Variants in DCAF10 observed in about 807,000 individuals in gnomAD.
DCAF10 encodes the protein DDB1- and CUL4-associated factor 10.
DCAF10 carries 19 observed loss-of-function variants against 51.9 expected under a neutral mutation model. The ratio of observed to expected loss-of-function variants is 0.37; its 90% CI spans 0.26 to 0.54. DCAF10 has a LOEUF of 0.54. Among genes scored for constraint, DCAF10 ranks in the 20% least tolerant of loss-of-function variants. DCAF10 has a pLI of 0.87. For missense variants in DCAF10, 510 were observed against 730.6 expected (o/e 0.70, Z 3.48); for synonymous variants, 291 against 297.1 (o/e 0.98, Z 0.21).
At chr9:37,840,060 G>T (rs2118026702) in intron 2 of DCAF10, among the ~76,000 whole-genome samples, 1 of 152,222 alleles carries the variant, frequency 6.6e-6, no homozygotes, top group Admixed American at 6.5e-5. Context: ...GAATTGGTAG[G>T]TCTACCAGGC....
At chr9:37,808,967 G>C (rs1051640538) in intron 1 of DCAF10, among the ~76,000 whole-genome samples, 2 of 150,050 alleles carry the variant, frequency 1.3e-5, no homozygotes, top group East Asian at 2.0e-4. Flanking sequence ...AATTAGCCTG[G>C]TGTGGTGGCA....
intron 1 of DCAF10, among the ~76,000 whole-genome samples, chr9:37,802,759 A>G (rs1000313758): frequency 1.3e-5 from 2 of 152,226 alleles, no homozygotes; most frequent in African/African-American, 4.8e-5. Flanking sequence ...GCACACCTGA[A>G]TAAGGTGGAA....
At chr9:37,839,920 C>T (rs1830282783) in intron 2 of DCAF10, among the ~76,000 whole-genome samples, 1 of 152,160 alleles carries the variant, frequency 6.6e-6, no homozygotes, top group African/African-American at 2.4e-5. Flanking sequence ...GTATTGTATA[C>T]TGCAGATCTA....
At chr9:37,825,615 T>TA (rs1395965395) in intron 2 of DCAF10, among the ~76,000 whole-genome samples, 1 of 152,168 alleles carries the variant, frequency 6.6e-6, no homozygotes, top group African/African-American at 2.4e-5. Flanking sequence ...GTTAAATAAC[T>TA]AATGAGTACT....
chr9:37,821,536 A>T (rs1264079664), intron 2 of DCAF10, among the ~76,000 whole-genome samples: 1 of 152,142 alleles, frequency 6.6e-6, no homozygotes, highest in Admixed American at 6.6e-5. Flanking sequence ...TGGGGAAAGG[A>T]CACCCTTTTC....
intron 3 of DCAF10, among the ~76,000 whole-genome samples, chr9:37,842,897 T>G (rs1830374445): frequency 1.3e-5 from 2 of 152,226 alleles, no homozygotes. Context: ...AAATGTCTCC[T>G]TATAAAGAAA....
chr9:37,807,658 C>CTT (rs5897701), intron 1 of DCAF10, among the ~76,000 whole-genome samples: 21 of 72,532 alleles, frequency 2.9e-4, no homozygotes, highest in African/African-American at 5.9e-4. Context: ...CTTTTCTTTT[C>CTT]TTTTTTTTTT....
At chr9:37,833,035 G>A (rs536026504) in intron 2 of DCAF10, among the ~76,000 whole-genome samples, 1 of 152,102 alleles carries the variant, frequency 6.6e-6, no homozygotes, top group East Asian at 1.9e-4. Flanking sequence ...CTACAGGCTT[G>A]GCTAATCTTT....
At chr9:37,858,791 C>T (rs1830928060) in intron 5 of DCAF10, among the ~76,000 whole-genome samples, 1 of 152,218 alleles carries the variant, frequency 6.6e-6, no homozygotes, top group Non-Finnish European at 1.5e-5. Flanking sequence ...AGCATTAGAA[C>T]TCTATTTTTG....
intron 1 of DCAF10, among the ~76,000 whole-genome samples, chr9:37,807,337 A>AT (rs887722334): frequency 1.1e-4 from 16 of 151,960 alleles, no homozygotes; most frequent in East Asian, 7.7e-4. Flanking sequence ...AAAAAGTGTG[A>AT]TTTTTTTTAA....
At chr9:37,808,684 T>TA (rs1246232483) in intron 1 of DCAF10, among the ~76,000 whole-genome samples, 1 of 10,098 alleles carries the variant, frequency 9.9e-5, no homozygotes, top group Non-Finnish European at 3.7e-4. Context: ...ATATAAAATA[T>TA]AAATATATAT....
intron 2 of DCAF10, among the ~76,000 whole-genome samples, chr9:37,827,842 T>C (rs1340282299): frequency 1.3e-5 from 2 of 152,218 alleles, no homozygotes; most frequent in African/African-American, 2.4e-5. Flanking sequence ...TAAACCACCC[T>C]GTTCATCTAG....
rs566024512 is a variant in DCAF10, at chr9:37,824,508, A to G, written c.653+5107A>G. Among the ~76,000 whole-genome samples the G allele has an allele frequency of 7.9e-5, 12 of 152,212 alleles. No homozygotes were observed. The South Asian group carries it at 2.3e-3, about 29-fold the overall frequency. ...TCAAAGCAGCAGAAGGGCAAAAGAG[A>G]ATATTGAAAACTTAATCAGTTCAGT... On this transcript the variant is annotated intron_variant, in intron 2 of 6. Transcript: ENST00000377724.
rs191781053 is a variant in DCAF10 at position 37,855,931 on chromosome 9, G to A, written c.1054+949G>A. Among the ~76,000 whole-genome samples, 54 of 152,218 alleles carry A rather than the reference G, an allele frequency of 3.5e-4. 2 individuals are homozygous for A. Among genetic ancestry groups the A allele is most frequent in the African/African-American group, 1.2e-3 (51 of 41,550 alleles). On this transcript the variant is annotated intron_variant, in intron 4 of 6. Transcript: ENST00000377724. ...TTTGAGAGACTGAGGTGAGCAGATC[G>A]CTTGAGCCCAGGAGTTTGTGACCAG...
intron 3 of DCAF10, among the ~76,000 whole-genome samples, chr9:37,853,521 TG>T (rs1830755221): frequency 6.6e-6 from 1 of 150,418 alleles, no homozygotes; most frequent in African/African-American, 2.5e-5. Context: ...TTGTTAAGCA[TG>T]TATGTAAATC....
intron 2 of DCAF10, among the ~76,000 whole-genome samples, chr9:37,824,332 A>G (rs1029876123): frequency 2.6e-5 from 4 of 152,182 alleles, no homozygotes; most frequent in African/African-American, 9.7e-5. Flanking sequence ...GTGGGAAGGT[A>G]TAATATGTTA....
chr9:37,810,459 CTTTCTTTT>C (rs1451886185), intron 1 of DCAF10, among the ~76,000 whole-genome samples: 4 of 149,404 alleles, frequency 2.7e-5, no homozygotes, highest in Non-Finnish European at 4.5e-5. Context: ...TTCTTTCTTT[CTTTCTTTT>C]TTTTTTTGAG....
At chr9:37,850,474 C>T (rs578228497) in intron 3 of DCAF10, among the ~76,000 whole-genome samples, 1 of 151,910 alleles carries the variant, frequency 6.6e-6, no homozygotes, top group East Asian at 1.9e-4. Flanking sequence ...TTGTCATTTG[C>T]GACAATACGA....
intron 3 of DCAF10, among the ~76,000 whole-genome samples, chr9:37,848,378 A>C (rs7033606): frequency 0.19 from 29,077 of 152,200 alleles, 3,172 homozygotes; most frequent in African/African-American, 0.29. Context: ...ACAGAATTCT[A>C]TTTAGCAATG....
Sources: gnomAD v4.1 joint callset for allele counts (sites outside exome capture counted in the v4.1 genomes callset) on GRCh38, gnomAD v4.1.1 for gene constraint, MANE v1.5 for transcripts, NCBI Gene and HGNC (gene_info 2026-07-23, HGNC 2026-07-21) for gene names.